The following TEX11 variants were observed in gnomAD, a reference collection of about 807,000 sequenced individuals.
The protein encoded by TEX11 is testis expressed 11.
In TEX11, 7 loss-of-function variants were observed where a neutral mutation model predicts 84.4. The ratio of observed to expected loss-of-function variants is 0.08; its 90% CI spans 0.05 to 0.16. TEX11 has a LOEUF of 0.16. Ranked by LOEUF, TEX11 falls within the 10% of genes least tolerant of loss-of-function variation. The pLI, the probability that TEX11 is intolerant of heterozygous loss-of-function variation, is 1.00. For synonymous variants in TEX11, 264 were observed against 222.8 expected, an observed-to-expected ratio of 1.18 and a Z score of -1.64; for missense variants, 551 against 660.5, an observed-to-expected ratio of 0.83 and a Z score of 1.82.
At chrX:70,586,055 C>CAAAA (rs2088849338) in intron 25 of TEX11, among the ~76,000 whole-genome samples, 1 of 112,314 alleles carries the variant, frequency 8.9e-6, no homozygotes, top group Non-Finnish European at 1.9e-5. Flanking sequence ...CGTCTCAAAA[C>CAAAA]AAACAAACAA....
chrX:70,554,448 T>C (rs189934110), intron 26 of TEX11, among the ~76,000 whole-genome samples: 1 of 111,779 alleles, frequency 8.9e-6, no homozygotes, highest in East Asian at 2.8e-4. Flanking sequence ...AAAGAGATTA[T>C]AATCTCATAG....
chrX:70,810,645 GGGTGAGGA>G lies in TEX11; in HGVS notation c.607-3863_607-3856del, dbSNP rs760281904. ...ACATCATACACTGGGGCCTGTTGAG[GGGTGAGGA>G]GGTATGGGAGGGATAGCATTAGGAG... On this transcript the variant is annotated intron_variant, in intron 8 of 29. Coordinates refer to ENST00000374333, the MANE Select transcript of TEX11 (RefSeq NM_031276.3). Among the ~76,000 whole-genome samples, 3 of 110,677 alleles carry G rather than the reference GGGTGAGGA, an allele frequency of 2.7e-5. No homozygotes were observed. In the South Asian group the frequency reaches 1.2e-3, roughly 44 times the overall value.
chrX:70,769,211 A>T (rs966536933), intron 9 of TEX11, among the ~76,000 whole-genome samples: 3 of 111,551 alleles, frequency 2.7e-5, no homozygotes, highest in African/African-American at 9.8e-5. Context: ...GAGGGGGGAA[A>T]TTATAGATTA....
At chrX:70,750,695 C>G (rs1354055926) in intron 9 of TEX11, among the ~76,000 whole-genome samples, 10 of 97,528 alleles carry the variant, frequency 1.0e-4, no homozygotes, top group Non-Finnish European at 1.6e-4. Flanking sequence ...ACCGCATATT[C>G]TCACTCATAG....
chrX:70,561,357 T>C (rs1439062653), intron 25 of TEX11, among the ~76,000 whole-genome samples: 1 of 105,280 alleles, frequency 9.5e-6, no homozygotes, highest in African/African-American at 3.4e-5. Flanking sequence ...TATTTATATA[T>C]AAACCTGTAT....
chrX:70,888,948 G>GA (rs1428701735), intron 2 of TEX11, among the ~76,000 whole-genome samples: 8 of 111,075 alleles, frequency 7.2e-5, no homozygotes, highest in Non-Finnish European at 1.3e-4. Context: ...AGTGCTGTGG[G>GA]AAAAAAACTT....
intron 13 of TEX11, among the ~76,000 whole-genome samples, chrX:70,703,916 C>A (rs2090346660): frequency 9.0e-6 from 1 of 111,558 alleles, no homozygotes; most frequent in African/African-American, 3.3e-5. Flanking sequence ...TGTCCTCACC[C>A]AAATCTCACG....
At chrX:70,705,393 G>T (rs1381639857) in intron 13 of TEX11, among the ~76,000 whole-genome samples, 1 of 111,472 alleles carries the variant, frequency 9.0e-6, no homozygotes, top group Non-Finnish European at 1.9e-5. Context: ...GGGCAGTATG[G>T]CTATTTTCAC....
At position 70,853,337 on chromosome X, in the gene TEX11, G is replaced by C. The variant is rs1414706793; in HGVS notation, c.325-9C>G. The C allele has an allele frequency of 4.3e-6, 5 of 1,152,435 alleles. No homozygotes were observed. In the East Asian group the frequency reaches 9.0e-5, roughly 21 times the overall value. 95.0% of individuals were successfully genotyped at this position (1,152,435 alleles called of 1,213,427 possible). On this transcript the variant is annotated splice_polypyrimidine_tract_variant and intron_variant, in intron 5 of 29. Coordinates refer to ENST00000374333, the MANE Select transcript of TEX11 (RefSeq NM_031276.3). ...CCTATTCTCATATTCATCTAGAAGA[G>C]AGAAATTAGAAAATAATTTTTAAAA...
At chrX:70,514,795 C>T in the TEX11 span, among the ~76,000 whole-genome samples, 7 of 110,091 alleles carry the variant, frequency 6.4e-5, no homozygotes, top group African/African-American at 1.7e-4. Flanking sequence ...TGGCCAGGCA[C>T]GGTGGCTCAC....
At chrX:70,519,829 T>C in the TEX11 span, among the ~76,000 whole-genome samples, 2 of 111,811 alleles carry the variant, frequency 1.8e-5, no homozygotes, top group Admixed American at 9.6e-5. Flanking sequence ...TACTCTTTTT[T>C]CTCTAAACTT....
At position 70,647,417 on chromosome X, in the gene TEX11, G is replaced by C. The variant is rs762339539; in HGVS notation, c.1483+4033C>G. Among the ~76,000 whole-genome samples the C allele has an allele frequency of 4.5e-5, 5 of 111,401 alleles. No individual in the cohort carries two copies. In the South Asian group the frequency reaches 1.5e-3, roughly 34 times the overall value. On this transcript the variant is annotated intron_variant, in intron 17 of 29. Coordinates refer to ENST00000374333, the MANE Select transcript of TEX11 (RefSeq NM_031276.3). Reference sequence around the variant, plus strand: ...GTTCTCACCACAAAAAAAATGCTAAGTATGTGAGGTAGGGTTGGGTGTGAT... The same window carrying C: ...GTTCTCACCACAAAAAAAATGCTAACTATGTGAGGTAGGGTTGGGTGTGAT...
At chrX:70,847,397 G>A (rs904555599) in intron 7 of TEX11, among the ~76,000 whole-genome samples, 2 of 110,710 alleles carry the variant, frequency 1.8e-5, no homozygotes, top group African/African-American at 3.3e-5. Context: ...CGTTTATTCC[G>A]ACCTCATTTT....
rs779758081 is a variant in TEX11, at chrX:70,807,752, T to A, written c.607-962A>T. Among the ~76,000 whole-genome samples, 3 of 111,428 alleles carry A rather than the reference T, an allele frequency of 2.7e-5. No homozygotes were observed. In the Admixed American group the frequency reaches 2.9e-4, roughly 11 times the overall value. ...CCCTTTGAATTACAGTACATTCACA[T>A]AGCAGAAGTTCAATATGCATGTCTG... On this transcript the variant is annotated intron_variant, in intron 8 of 29. Coordinates refer to ENST00000374333, the MANE Select transcript of TEX11 (RefSeq NM_031276.3).
At chrX:70,854,097 T>C (rs921681611) in intron 5 of TEX11, among the ~76,000 whole-genome samples, 4 of 111,546 alleles carry the variant, frequency 3.6e-5, no homozygotes, top group Admixed American at 9.6e-5. Context: ...TGAGCAAGAA[T>C]TACCAAACAA....
chrX:70,754,616 G>A (rs1407286736), intron 9 of TEX11, among the ~76,000 whole-genome samples: 1 of 111,330 alleles, frequency 9.0e-6, no homozygotes, highest in Non-Finnish European at 1.9e-5. Context: ...TAGGTGGTAG[G>A]TAGAGAGTGG....
intron 17 of TEX11, among the ~76,000 whole-genome samples, chrX:70,650,466 C>G (rs972997564): frequency 9.0e-6 from 1 of 111,269 alleles, no homozygotes; most frequent in Non-Finnish European, 1.9e-5. Context: ...AAAAAAGCTT[C>G]AAGTTATTTT....
intron 28 of TEX11, among the ~76,000 whole-genome samples, chrX:70,534,481 A>G (rs1365227806): frequency 3.6e-5 from 4 of 111,757 alleles, no homozygotes; most frequent in African/African-American, 1.3e-4. Flanking sequence ...TTGCTTATGA[A>G]AATCATTAAT....
intron 13 of TEX11, among the ~76,000 whole-genome samples, chrX:70,707,757 T>G (rs1279624498): frequency 9.0e-6 from 1 of 111,059 alleles, no homozygotes; most frequent in Admixed American, 9.7e-5. Flanking sequence ...CAATTTTTGT[T>G]GATAAAATGA....
Sources: allele counts gnomAD v4.1 joint callset (sites outside exome capture counted in the v4.1 genomes callset), GRCh38; gene constraint gnomAD v4.1.1; transcripts MANE v1.5; gene names NCBI Gene and HGNC (gene_info 2026-07-23, HGNC 2026-07-21).